The following TMEM242 variants were observed in gnomAD, a reference collection of about 807,000 sequenced individuals.
TMEM242 encodes the protein UPF0463 transmembrane protein C6orf35.
In TMEM242, 10 loss-of-function variants were observed where a neutral mutation model predicts 18.2. The ratio of observed to expected loss-of-function variants is 0.55; its 90% CI spans 0.34 to 0.93. The LOEUF is 0.93. Among genes scored for constraint, TMEM242 ranks in the 40% least tolerant of loss-of-function variants. The pLI is 0.02. For missense variants in TMEM242, 186 were observed against 175.5 expected (o/e 1.06, Z -0.34); for synonymous variants, 57 against 69.9 (o/e 0.81, Z 0.92).
intron 3 of TMEM242, among the ~76,000 whole-genome samples, chr6:157,306,065 A>T (rs1777914292): frequency 6.6e-6 from 1 of 152,248 alleles, no homozygotes; most frequent in African/African-American, 2.4e-5. Context: ...GAGAAGGAAC[A>T]TGTCACAATC....
At chr6:157,311,191 G>C (rs1778059994) in intron 3 of TMEM242, among the ~76,000 whole-genome samples, 3 of 97,392 alleles carry the variant, frequency 3.1e-5, no homozygotes, top group Non-Finnish European at 6.1e-5. Flanking sequence ...CGCTCACCCA[G>C]CCTGATCATA....
chr6:157,303,524 T>A (rs1265530823), intron 3 of TMEM242, among the ~76,000 whole-genome samples: 7 of 152,190 alleles, frequency 4.6e-5, no homozygotes, highest in Non-Finnish European at 8.8e-5. Context: ...GTGTTAGAAA[T>A]GCAGTAAAAC....
intron 3 of TMEM242, among the ~76,000 whole-genome samples, chr6:157,310,927 T>C (rs201065148): frequency 4.5e-3 from 261 of 57,570 alleles, no homozygotes; most frequent in Non-Finnish European, 6.6e-3. Context: ...TGCACTCACC[T>C]AGCCTCATCA....
intron 3 of TMEM242, among the ~76,000 whole-genome samples, chr6:157,293,673 G>C (rs587642188): frequency 1.3e-5 from 2 of 150,828 alleles, no homozygotes; most frequent in South Asian, 2.1e-4. Flanking sequence ...TTTTGTTTTT[G>C]TTTTTTTAAA....
At chr6:157,319,039 C>A in intron 2 of TMEM242, 120 bp from the exon 3 acceptor site, 1 of 1,061,748 alleles carries the variant, frequency 9.4e-7, no homozygotes, top group South Asian at 2.4e-5. Context: ...TAAATCAACC[C>A]AAGGTCTAAT....
chr6:157,298,030 A>G lies in TMEM242; in HGVS notation c.328-5031T>C, dbSNP rs587749986. 3.7e-4 allele frequency among the ~76,000 whole-genome samples: 57 copies of G among 152,372 alleles called. 1 individual carries two copies. Among genetic ancestry groups the G allele is most frequent in the African/African-American group, 1.3e-3 (55 of 41,600 alleles). ...CACATGTAACTTTCTGAGAAATACA[A>G]TCCCTGAAGTATGCATCAAAATGGC... On this transcript the variant is annotated intron_variant, in intron 3 of 3. Coordinates refer to ENST00000400788, the MANE Select transcript of TMEM242 (RefSeq NM_018452.6).
intron 2 of TMEM242, among the ~76,000 whole-genome samples, chr6:157,320,815 T>G (rs1392904383): frequency 6.6e-6 from 1 of 152,202 alleles, no homozygotes; most frequent in Non-Finnish European, 1.5e-5. Flanking sequence ...CTGACAATTG[T>G]TTGCTTGAAA....
intron 3 of TMEM242, among the ~76,000 whole-genome samples, chr6:157,293,617 T>C (rs1032565367): frequency 6.6e-6 from 1 of 151,876 alleles, no homozygotes; most frequent in Non-Finnish European, 1.5e-5. Flanking sequence ...AATCAAGGAA[T>C]GGTAGATAAA....
At position 157,301,808 on chromosome 6, in the gene TMEM242, T is replaced by A. The variant is rs113732786; in HGVS notation, c.328-8809A>T. On this transcript the variant is annotated intron_variant, in intron 3 of 3. Coordinates refer to ENST00000400788, the MANE Select transcript of TMEM242 (RefSeq NM_018452.6). ...TTAGCCGGGTGTGGTGGTGTGTGCC[T>A]ATGGTCCCAGCTACTCAGGAGGCAG... is the stretch of plus-strand genomic sequence containing the variant. 8.1e-3 allele frequency among the ~76,000 whole-genome samples: 1,227 copies of A among 152,210 alleles called. 18 individuals are homozygous for A. The highest frequency in any genetic ancestry group is 0.027 in the African/African-American group (1,118 of 41,534).
At chr6:157,313,912 A>ATAGTGT (rs1778315154) in intron 3 of TMEM242, among the ~76,000 whole-genome samples, 1 of 150,976 alleles carries the variant, frequency 6.6e-6, no homozygotes, top group Non-Finnish European at 1.5e-5. Flanking sequence ...TGGCCTCATC[A>ATAGTGT]CAGTGTCCCA....
At chr6:157,317,596 T>C (rs1357175038) in intron 3 of TMEM242, among the ~76,000 whole-genome samples, 1 of 152,146 alleles carries the variant, frequency 6.6e-6, no homozygotes, top group Non-Finnish European at 1.5e-5. Context: ...GAGTCTCAAA[T>C]TCAAATCTTC....
intron 3 of TMEM242, chr6:157,300,176 C>T (rs1215272563): frequency 9.8e-6 from 5 of 512,104 alleles, no homozygotes; most frequent in South Asian, 8.3e-5. Context: ...AACTGCTGAC[C>T]AGGACGTCGC....
intron 3 of TMEM242, among the ~76,000 whole-genome samples, chr6:157,293,522 AATAAAT>A (rs1321844389): frequency 6.6e-6 from 1 of 152,212 alleles, no homozygotes; most frequent in Non-Finnish European, 1.5e-5. Flanking sequence ...TTTCTGAATA[AATAAAT>A]ATAATTAGGT....
chr6:157,296,307 A>G (rs587772126), intron 3 of TMEM242, among the ~76,000 whole-genome samples: 3 of 152,244 alleles, frequency 2.0e-5, no homozygotes, highest in African/African-American at 7.2e-5. Context: ...GACCAGGGAA[A>G]ATTTTCCTAT....
chr6:157,310,530 TG>T (rs1777996723), intron 3 of TMEM242, among the ~76,000 whole-genome samples: 3 of 63,268 alleles, frequency 4.7e-5, no homozygotes, highest in East Asian at 4.3e-4. Context: ...GGCCTCATCA[TG>T]GTATCCCAGT....
intron 3 of TMEM242, among the ~76,000 whole-genome samples, chr6:157,302,800 C>T (rs1777849241): frequency 6.6e-6 from 1 of 152,190 alleles, no homozygotes; most frequent in African/African-American, 2.4e-5. Context: ...AAACGCAGTA[C>T]AGTATTATAG....
intron 3 of TMEM242, among the ~76,000 whole-genome samples, chr6:157,301,350 C>G (rs1777828092): frequency 1.3e-5 from 2 of 151,690 alleles, no homozygotes; most frequent in Admixed American, 6.6e-5. Flanking sequence ...CAGAGTCTTG[C>G]TCTGTTGCCC....
At chr6:157,309,902 G>C (rs587761878) in intron 3 of TMEM242, among the ~76,000 whole-genome samples, 1 of 151,750 alleles carries the variant, frequency 6.6e-6, no homozygotes, top group South Asian at 2.1e-4. Context: ...TACTATACTA[G>C]GCATCATGAA....
In TMEM242 at chr6:157,322,747, T is replaced by C. The variant is rs1562389842; in HGVS notation, c.147A>G (p.Thr49=). ...GGCTTTTCTTTTTAGCCAATGATAA[T>C]GTTGTAATAAATCCAGCTAGCATTC... The part of the protein sequence containing the change: ...AAGMLAGFIT[T]LSLAKKKSPE... Residue 49 remains threonine (T), a synonymous_variant, in exon 2 of 4, where the codon ACA becomes ACG. Transcript: ENST00000400788. The C allele has an allele frequency of 1.2e-6, 2 of 1,613,852 alleles. No individual in the cohort carries two copies. Among genetic ancestry groups the C allele is most frequent in the Non-Finnish European group, 8.5e-7 (1 of 1,179,944 alleles).
Sources: gnomAD v4.1 joint callset for allele counts (sites outside exome capture counted in the v4.1 genomes callset) on GRCh38, gnomAD v4.1.1 for gene constraint, MANE v1.5 for transcripts, NCBI Gene and HGNC (gene_info 2026-07-23, HGNC 2026-07-21) for gene names.